Variants in IMPG2 observed in about 807,000 individuals in gnomAD.
IMPG2 encodes IPM 200.
Under a neutral mutation model 129.2 loss-of-function variants are expected in IMPG2, and 91 were observed. That is an observed-to-expected ratio of 0.70 (90% CI 0.59 to 0.84). IMPG2 has a LOEUF of 0.84. Among genes scored for constraint, IMPG2 ranks in the 40% least tolerant of loss-of-function variants. The pLI is 0.00. For missense variants in IMPG2, 1,430 were observed against 1,461.7 expected (o/e 0.98, Z 0.35); for synonymous variants, 510 against 517.7 (o/e 0.99, Z 0.20).
At chr3:101,259,833 C>CA (rs1706650972) in intron 9 of IMPG2, among the ~76,000 whole-genome samples, 1 of 151,948 alleles carries the variant, frequency 6.6e-6, no homozygotes, top group African/African-American at 2.4e-5. Context: ...TGAGATCATC[C>CA]AACTTCCTCT....
At chr3:101,268,808 T>C (rs570568405) in intron 8 of IMPG2, among the ~76,000 whole-genome samples, 32 of 152,158 alleles carry the variant, frequency 2.1e-4, no homozygotes, top group Non-Finnish European at 3.7e-4. Flanking sequence ...AGAAAAGCTA[T>C]AAAGTCAGCT....
intron 4 of IMPG2, among the ~76,000 whole-genome samples, chr3:101,282,333 T>C (rs9875276): frequency 0.052 from 7,927 of 152,182 alleles, 716 homozygotes; most frequent in African/African-American, 0.18. Context: ...CCCCATGTCA[T>C]CCCCTTCAGC....
intron 9 of IMPG2, among the ~76,000 whole-genome samples, chr3:101,265,656 T>C (rs527643241): frequency 1.3e-5 from 2 of 152,236 alleles, no homozygotes; most frequent in African/African-American, 4.8e-5. Context: ...ATTTTATGAA[T>C]AAGACCTCAG....
chr3:101,285,328 A>G (rs952045237), intron 4 of IMPG2, among the ~76,000 whole-genome samples: 6 of 152,288 alleles, frequency 3.9e-5, no homozygotes, highest in Admixed American at 6.5e-5. Flanking sequence ...AAAGACACAC[A>G]GGGATCAGTA....
intron 4 of IMPG2, among the ~76,000 whole-genome samples, chr3:101,282,216 G>A (rs889532344): frequency 8.5e-5 from 13 of 152,158 alleles, no homozygotes; most frequent in Non-Finnish European, 1.2e-4. Context: ...CATGGAAATC[G>A]TGGGCAAATA....
chr3:101,236,252 T>C lies in IMPG2; in HGVS notation c.3023-3261A>G, dbSNP rs114146694. On this transcript the variant is annotated intron_variant, in intron 14 of 18. Coordinates refer to ENST00000193391, the MANE Select transcript of IMPG2 (RefSeq NM_016247.4). ...AACAATGCCCAGAAATACTGAGGAG[T>C]TGAGGGAACATAGATGCAGGTTTTA... Among the ~76,000 whole-genome samples the C allele has an allele frequency of 5.6e-3, 846 of 151,614 alleles. 9 individuals carry two copies. The highest frequency in any genetic ancestry group is 0.02 in the African/African-American group (819 of 41,292).
intron 4 of IMPG2, among the ~76,000 whole-genome samples, chr3:101,278,030 T>C (rs1706856430): frequency 6.6e-6 from 1 of 152,124 alleles, no homozygotes. Context: ...AGGCCAGCAG[T>C]TCGAGACCAG....
At chr3:101,270,383 C>A (rs1706769283) in intron 7 of IMPG2, among the ~76,000 whole-genome samples, 1 of 152,134 alleles carries the variant, frequency 6.6e-6, no homozygotes. Context: ...AACACCCAGA[C>A]GAGAGGCCTT....
In IMPG2 at chr3:101,267,699, G is replaced by GA. The variant is rs534801017; in HGVS notation, c.888-169dup. The stretch of plus-strand genomic sequence containing the variant: ...TGGATTGAAGGAAGTGAGCAAAGGT[G>GA]AAAAAAGCATTTTATTTTAAAACCA... On this transcript the variant is annotated intron_variant, in intron 8 of 18. Coordinates refer to ENST00000193391, the MANE Select transcript of IMPG2 (RefSeq NM_016247.4). 2.2e-3 allele frequency among the ~76,000 whole-genome samples: 339 copies of GA among 152,148 alleles called. 1 individual carries two copies. The highest frequency in any genetic ancestry group is 7.9e-3 in the African/African-American group (327 of 41,528).
At chr3:101,264,852 T>C (rs1249423813) in intron 9 of IMPG2, among the ~76,000 whole-genome samples, 2 of 151,698 alleles carry the variant, frequency 1.3e-5, no homozygotes, top group African/African-American at 2.4e-5. Flanking sequence ...TTTAGTAAGG[T>C]TGCAGGATAC....
At chr3:101,238,386 C>T (rs1217477025) in intron 14 of IMPG2, among the ~76,000 whole-genome samples, 5 of 151,964 alleles carry the variant, frequency 3.3e-5, no homozygotes, top group Non-Finnish European at 5.9e-5. Flanking sequence ...AAGATACTCC[C>T]CAAGAAGAGT....
chr3:101,229,300 A>ACCCCCCCCCCCCCCCCCCAGCACC, intron 17 of IMPG2, 80 bp downstream of exon 17: 1 of 859,116 alleles, frequency 1.2e-6, no homozygotes, highest in Non-Finnish European at 1.9e-6. Context: ...ACTCATACAC[A>ACCCCCCCCCCCCCCCCCCAGCACC]CCCCCACCCA....
At chr3:101,276,640 G>A (rs781351439) in intron 5 of IMPG2, 24 bp downstream of exon 5, 18 of 1,533,574 alleles carry the variant, frequency 1.2e-5, no homozygotes, top group Non-Finnish European at 1.6e-5. Flanking sequence ...TAAAAGAAAA[G>A]TGAATGAAGA....
Position 101,267,515 on chromosome 3 carries a change from C to A in IMPG2, c.904G>T (p.Asp302Tyr). The A allele has an allele frequency of 6.2e-7, 1 of 1,611,562 alleles. No individual in the cohort carries two copies. Among genetic ancestry groups the A allele is most frequent in the South Asian group, 1.1e-5 (1 of 90,996 alleles). ...AGAGAAAGTGCCAAAAAGTACCTGT[C>A]ATTTTCCTTGGGGGACCTGAAAACA... is the stretch of plus-strand genomic sequence containing the variant. Reference protein sequence around the residue: ...VLEFRSPKENDSGVDVYYAVT... With the variant: ...VLEFRSPKENYSGVDVYYAVT... Residue 302 changes from aspartate (D) to tyrosine (Y), a missense_variant, in exon 9 of 19, where the codon GAC (aspartate) becomes TAC (tyrosine). Asp to Tyr is a radical substitution (Grantham distance 160). Transcript: ENST00000193391.
At chr3:101,289,948 T>G (rs139504040) in intron 4 of IMPG2, among the ~76,000 whole-genome samples, 183 of 148,610 alleles carry the variant, frequency 1.2e-3, no homozygotes, top group African/African-American at 4.4e-3. Flanking sequence ...GGCAACTAGA[T>G]GGATGATAAT....
chr3:101,316,233 C>T (rs533161126), intron 2 of IMPG2, among the ~76,000 whole-genome samples: 29 of 152,042 alleles, frequency 1.9e-4, no homozygotes, highest in African/African-American at 6.5e-4. Context: ...TAAAAGGATG[C>T]TCCCCCAAAA....
chr3:101,315,127 G>A (rs987482590), intron 2 of IMPG2, among the ~76,000 whole-genome samples: 1 of 152,158 alleles, frequency 6.6e-6, no homozygotes, highest in African/African-American at 2.4e-5. Context: ...ACGAACAACA[G>A]TAATAAATAA....
At chr3:101,286,478 G>C (rs1186960849) in intron 4 of IMPG2, among the ~76,000 whole-genome samples, 1 of 152,004 alleles carries the variant, frequency 6.6e-6, no homozygotes, top group Non-Finnish European at 1.5e-5. Flanking sequence ...AAGTCTACCA[G>C]CCTAATTCTA....
At chr3:101,272,240 A>C (rs187301412) in intron 7 of IMPG2, among the ~76,000 whole-genome samples, 1 of 152,142 alleles carries the variant, frequency 6.6e-6, no homozygotes, top group African/African-American at 2.4e-5. Context: ...GGAAAAATCC[A>C]TGTGATGGTG....
Sources: allele counts gnomAD v4.1 joint callset (sites outside exome capture counted in the v4.1 genomes callset), GRCh38; gene constraint gnomAD v4.1.1; transcripts MANE v1.5; gene names NCBI Gene and HGNC (gene_info 2026-07-23, HGNC 2026-07-21).